Variants in HTR2C observed in about 807,000 individuals in gnomAD.
The protein encoded by HTR2C is 5-hydroxytryptamine (serotonin) receptor 2C, G protein-coupled.
In HTR2C, 5 loss-of-function variants were observed where a neutral mutation model predicts 21.0. That is an observed-to-expected ratio of 0.24 (90% CI 0.12 to 0.50). The LOEUF (loss-of-function observed/expected upper bound fraction) is 0.50. HTR2C is among the 20% of genes least tolerant of loss of function. The pLI, the probability that HTR2C is intolerant of heterozygous loss-of-function variation, is 0.98. For synonymous variants in HTR2C, 150 were observed against 145.3 expected, an observed-to-expected ratio of 1.03 and a Z score of -0.23; for missense variants, 271 against 371.2, an observed-to-expected ratio of 0.73 and a Z score of 2.22.
At chrX:114,674,821 A>G (rs1286149784) in intron 2 of HTR2C, among the ~76,000 whole-genome samples, 2 of 111,732 alleles carry the variant, frequency 1.8e-5, no homozygotes, top group African/African-American at 3.2e-5. Flanking sequence ...TTTAGAATCC[A>G]TGTTTTCTGC....
chrX:114,604,288 G>C (rs1471186772), intron 1 of HTR2C, among the ~76,000 whole-genome samples: 1 of 110,199 alleles, frequency 9.1e-6, no homozygotes, highest in Non-Finnish European at 1.9e-5. Flanking sequence ...AGGGAACTGG[G>C]CAGGTGGGGA....
chrX:114,722,077 G>A (rs1365403225), intron 2 of HTR2C, among the ~76,000 whole-genome samples: 3 of 109,594 alleles, frequency 2.7e-5, no homozygotes, highest in Non-Finnish European at 3.8e-5. Context: ...AGCTTGATGG[G>A]GATGGCATTG....
At chrX:114,906,465 T>G in intron 5 of HTR2C, 124 bp from the exon 6 acceptor site, 1 of 490,485 alleles carries the variant, frequency 2.0e-6, no homozygotes, top group East Asian at 3.6e-5. Flanking sequence ...ATGCCGTGAA[T>G]AGCTTTCAAC....
chrX:114,636,945 T>G (rs1556405317), intron 2 of HTR2C, among the ~76,000 whole-genome samples: 1 of 112,308 alleles, frequency 8.9e-6, no homozygotes, highest in Admixed American at 9.5e-5. Context: ...TAAACGTTGT[T>G]ACCAGGGGTT....
At position 114,629,985 on chromosome X, in the gene HTR2C, C is replaced by G. The variant is rs1165050379; in HGVS notation, c.-80+16104C>G. Among the ~76,000 whole-genome samples the G allele has an allele frequency of 1.8e-5, 2 of 110,401 alleles. 1 individual carries two copies. Among genetic ancestry groups the G allele is most frequent in the Admixed American group, 1.9e-4 (2 of 10,301 alleles). On this transcript the variant is annotated intron_variant, in intron 2 of 5. Coordinates refer to ENST00000276198, the MANE Select transcript of HTR2C (RefSeq NM_000868.4). ...AAGCAAACAATGAAGAAAAAGGTAACGATTATTTGCCAATGGCTGCTTGAG... is the reference window on the plus strand; with the variant it reads ...AAGCAAACAATGAAGAAAAAGGTAAGGATTATTTGCCAATGGCTGCTTGAG...
intron 2 of HTR2C, among the ~76,000 whole-genome samples, chrX:114,662,283 T>C (rs2147842517): frequency 9.0e-6 from 1 of 111,596 alleles, no homozygotes; most frequent in South Asian, 3.7e-4. Context: ...TATTATAAAA[T>C]TACATGGTGT....
intron 1 of HTR2C, among the ~76,000 whole-genome samples, chrX:114,605,341 G>C (rs1376547600): frequency 9.1e-4 from 100 of 109,814 alleles, no homozygotes; most frequent in Admixed American, 2.0e-3. Flanking sequence ...GACCTAGCTC[G>C]GCATGGCGAG....
intron 2 of HTR2C, among the ~76,000 whole-genome samples, chrX:114,701,620 G>A (rs1932505689): frequency 9.0e-6 from 1 of 111,695 alleles, no homozygotes; most frequent in South Asian, 3.7e-4. Flanking sequence ...AAAAAACAGA[G>A]CAGAAAAACT....
intron 2 of HTR2C, among the ~76,000 whole-genome samples, chrX:114,646,154 T>A (rs1602660650): frequency 4.5e-5 from 5 of 112,267 alleles, no homozygotes; most frequent in African/African-American, 1.6e-4. Context: ...TTTAATTTAT[T>A]GACAAATATC....
chrX:114,841,332 T>C (rs151160901), intron 4 of HTR2C, among the ~76,000 whole-genome samples: 12 of 112,336 alleles, frequency 1.1e-4, no homozygotes, highest in African/African-American at 3.9e-4. Context: ...AGATTCTAGA[T>C]GCCAATGTCA....
At chrX:114,713,925 C>T (rs996428456) in intron 2 of HTR2C, among the ~76,000 whole-genome samples, 4 of 111,011 alleles carry the variant, frequency 3.6e-5, no homozygotes, top group Non-Finnish European at 5.7e-5. Flanking sequence ...TTTGTTAGTT[C>T]GAATTTTCTG....
intron 4 of HTR2C, among the ~76,000 whole-genome samples, chrX:114,847,531 T>C (rs1261530698): frequency 9.5e-6 from 1 of 105,453 alleles, no homozygotes. Flanking sequence ...AGCACATGTA[T>C]ACATATGTAA....
At chrX:114,785,793 G>A (rs2070169111) in intron 4 of HTR2C, among the ~76,000 whole-genome samples, 1 of 111,815 alleles carries the variant, frequency 8.9e-6, no homozygotes, top group South Asian at 3.7e-4. Context: ...CAGAACTTTG[G>A]TTCATCAGAA....
intron 4 of HTR2C, among the ~76,000 whole-genome samples, chrX:114,760,803 A>G (rs1301286296): frequency 8.9e-6 from 1 of 111,841 alleles, no homozygotes; most frequent in Non-Finnish European, 1.9e-5. Flanking sequence ...AATTACAGGC[A>G]TGAGTTACCA....
chrX:114,857,767 G>A (rs1556471495), intron 5 of HTR2C, among the ~76,000 whole-genome samples: 2 of 110,841 alleles, frequency 1.8e-5, no homozygotes, highest in African/African-American at 6.5e-5. Flanking sequence ...CTCATCCAGA[G>A]TTCAAGAGGA....
chrX:114,713,881 C>A (rs1446462435), intron 2 of HTR2C, among the ~76,000 whole-genome samples: 1 of 111,289 alleles, frequency 9.0e-6, no homozygotes, highest in East Asian at 2.8e-4. Context: ...CACACACATA[C>A]ACACACAGAG....
intron 2 of HTR2C, among the ~76,000 whole-genome samples, chrX:114,687,446 G>A (rs1447540474): frequency 1.8e-5 from 2 of 111,817 alleles, no homozygotes; most frequent in Admixed American, 9.5e-5. Flanking sequence ...AAAATTTCAC[G>A]TGTGTCATAT....
chrX:114,797,094 G>T (rs1378344304), intron 4 of HTR2C, among the ~76,000 whole-genome samples: 1 of 111,504 alleles, frequency 9.0e-6, no homozygotes, highest in East Asian at 2.8e-4. Context: ...GCTGGAAAAA[G>T]GTTGTGATGC....
intron 2 of HTR2C, among the ~76,000 whole-genome samples, chrX:114,642,099 T>C: frequency 8.9e-6 from 1 of 112,356 alleles, no homozygotes; most frequent in South Asian, 3.7e-4. Flanking sequence ...GGCTGCACAG[T>C]ATTCCATGGT....
Sources: gnomAD v4.1 joint callset for allele counts (sites outside exome capture counted in the v4.1 genomes callset) on GRCh38, gnomAD v4.1.1 for gene constraint, MANE v1.5 for transcripts, NCBI Gene and HGNC (gene_info 2026-07-23, HGNC 2026-07-21) for gene names.